Variants in OPCML observed in about 807,000 individuals in gnomAD.
OPCML encodes opioid binding protein/cell adhesion molecule like.
In OPCML, 13 loss-of-function variants were observed where a neutral mutation model predicts 37.8. The ratio of observed to expected loss-of-function variants is 0.34; its 90% CI spans 0.22 to 0.55. The LOEUF (loss-of-function observed/expected upper bound fraction) is 0.55, where lower values mean the gene tolerates loss of function less well. OPCML is among the 20% of genes least tolerant of loss of function. The pLI, the probability that OPCML is intolerant of heterozygous loss-of-function variation, is 0.91. For missense variants in OPCML, 341 were observed against 435.6 expected (o/e 0.78, Z 1.93); for synonymous variants, 176 against 168.8 (o/e 1.04, Z -0.33).
intron 1 of OPCML, among the ~76,000 whole-genome samples, chr11:133,072,746 C>T (rs1047723625): frequency 3.9e-5 from 6 of 152,200 alleles, no homozygotes; most frequent in African/African-American, 1.4e-4. Context: ...GACAGGTGTC[C>T]TGGTGGGCTT....
intron 1 of OPCML, among the ~76,000 whole-genome samples, chr11:133,145,096 A>C (rs1592046903): frequency 2.0e-5 from 3 of 152,332 alleles, no homozygotes; most frequent in Admixed American, 2.0e-4. Context: ...AATTCATTTA[A>C]ACAAATATGC....
intron 2 of OPCML, among the ~76,000 whole-genome samples, chr11:132,706,714 T>A (rs1944047115): frequency 6.6e-6 from 1 of 152,072 alleles, no homozygotes; most frequent in South Asian, 2.1e-4. Context: ...TCCCCCACCC[T>A]CTCAGAGGCC....
chr11:133,360,823 G>T (rs1433235952), intron 1 of OPCML: 1 of 152,220 alleles, frequency 6.6e-6, no homozygotes, highest in Non-Finnish European at 1.5e-5. Flanking sequence ...AGGCAGCTTG[G>T]CTAAGCAACT....
chr11:132,442,138 A>T (rs1349686979), intron 4 of OPCML, among the ~76,000 whole-genome samples: 2 of 152,326 alleles, frequency 1.3e-5, no homozygotes, highest in Middle Eastern at 3.4e-3. Flanking sequence ...AAGGATCTTC[A>T]CCTTGCATAG....
At chr11:132,440,419 G>T (rs1345018936) in intron 4 of OPCML, among the ~76,000 whole-genome samples, 1 of 152,088 alleles carries the variant, frequency 6.6e-6, no homozygotes, top group Non-Finnish European at 1.5e-5. Flanking sequence ...ATGCCCAGGG[G>T]CTGCCTCCAT....
intron 3 of OPCML, among the ~76,000 whole-genome samples, chr11:132,603,821 A>G (rs947165332): frequency 2.6e-5 from 4 of 152,150 alleles, no homozygotes; most frequent in African/African-American, 9.7e-5. Flanking sequence ...TAATTGTACT[A>G]TATCTTCCTA....
intron 1 of OPCML, among the ~76,000 whole-genome samples, chr11:133,148,865 G>A (rs1949934982): frequency 6.6e-6 from 1 of 152,284 alleles, no homozygotes; most frequent in African/African-American, 2.4e-5. Flanking sequence ...AAAAGGGAAG[G>A]AAGGAAGGCT....
chr11:133,300,870 C>A (rs955118534), intron 1 of OPCML: 1 of 152,140 alleles, frequency 6.6e-6, no homozygotes, highest in Non-Finnish European at 1.5e-5. Context: ...CAAGCCAAGG[C>A]ATGTGGGCAG....
chr11:132,649,975 G>A (rs1275619861), intron 3 of OPCML, among the ~76,000 whole-genome samples: 1 of 151,586 alleles, frequency 6.6e-6, no homozygotes, highest in African/African-American at 2.4e-5. Context: ...TGTTTCTTCT[G>A]CAGTCACATG....
At chr11:133,443,048 A>G (rs1331246819) in intron 1 of OPCML, among the ~76,000 whole-genome samples, 1 of 152,188 alleles carries the variant, frequency 6.6e-6, no homozygotes, top group Non-Finnish European at 1.5e-5. Context: ...AAAGAAAGAT[A>G]CAAAATAAAA....
intron 1 of OPCML, among the ~76,000 whole-genome samples, chr11:133,148,502 A>G (rs145419709): frequency 1.4e-4 from 22 of 152,318 alleles, no homozygotes; most frequent in African/African-American, 4.8e-4. Flanking sequence ...AGCCCTGGGC[A>G]CTGGTTTGGA....
intron 1 of OPCML, among the ~76,000 whole-genome samples, chr11:133,426,148 C>T (rs1361074139): frequency 6.6e-6 from 1 of 152,180 alleles, no homozygotes. Context: ...GCTCCACTCC[C>T]AAAACCAGAG....
chr11:133,209,657 A>G (rs1565505674), intron 1 of OPCML, among the ~76,000 whole-genome samples: 1 of 152,212 alleles, frequency 6.6e-6, no homozygotes, highest in Non-Finnish European at 1.5e-5. Context: ...CCCGGCTCCT[A>G]ACACAGTGCA....
Position 133,211,672 on chromosome 11 carries a change from G to A in OPCML, c.62-268662C>T, listed in dbSNP as rs1351266927. Among the ~76,000 whole-genome samples, 1 of 152,202 alleles carries A rather than the reference G, an allele frequency of 6.6e-6. No homozygotes were observed. The highest frequency in any genetic ancestry group is 1.5e-5 in the Non-Finnish European group (1 of 68,034). On this transcript the variant is annotated intron_variant, in intron 1 of 7. Transcript: ENST00000524381. This position sits in a 1 kb window ranked among gnomAD's most constrained non-coding sequence, Gnocchi z 4.1. ...GTATATCTTGTACCATGAGGCATCT[G>A]GGGCCAGGGAGTCATCTGGCTTTGT...
chr11:133,486,473 C>T (rs527349200), intron 1 of OPCML, among the ~76,000 whole-genome samples: 190 of 151,630 alleles, frequency 1.3e-3, no homozygotes, highest in Middle Eastern at 6.8e-3. Flanking sequence ...TTTTTTTTCT[C>T]TTCCTCAGAA....
chr11:133,305,901 T>A (rs189445146), intron 1 of OPCML, among the ~76,000 whole-genome samples: 4 of 152,300 alleles, frequency 2.6e-5, no homozygotes, highest in African/African-American at 4.8e-5. Context: ...GTCAAACGAC[T>A]CACCAGTAAT....
chr11:133,038,960 T>C (rs1947834764), intron 1 of OPCML, among the ~76,000 whole-genome samples: 6 of 152,132 alleles, frequency 3.9e-5, no homozygotes, highest in Admixed American at 2.6e-4. Context: ...TCTGTGACAG[T>C]TTCAGAAATC....
chr11:133,321,772 A>G (rs1426808799), intron 1 of OPCML, among the ~76,000 whole-genome samples: 1 of 152,148 alleles, frequency 6.6e-6, no homozygotes, highest in African/African-American at 2.4e-5. Flanking sequence ...CCAAGTGCCA[A>G]CCGGTTATTA....
chr11:132,676,874 A>G (rs944184935), intron 2 of OPCML, among the ~76,000 whole-genome samples: 4 of 151,870 alleles, frequency 2.6e-5, no homozygotes, highest in African/African-American at 9.7e-5. Context: ...CTACTTTTCA[A>G]CGCTGTACTA....
Sources: gnomAD v4.1 joint callset for allele counts (sites outside exome capture counted in the v4.1 genomes callset) on GRCh38, gnomAD v4.1.1 for gene constraint, Gnocchi (gnomAD v3.1) non-coding constraint, MANE v1.5 for transcripts, NCBI Gene and HGNC (gene_info 2026-07-23, HGNC 2026-07-21) for gene names.